PARD6G: variants seen among roughly 807,000 people sequenced by gnomAD.
PARD6G encodes partitioning defective 6 homolog gamma.
A neutral mutation model predicts 10.7 loss-of-function variants in PARD6G; 7 were observed. The observed-to-expected ratio is 0.66, with a 90% CI of 0.37 to 1.23. The LOEUF is 1.23. Ranked by LOEUF, PARD6G falls within the 50% of genes most tolerant of loss-of-function variation. PARD6G has a pLI of 0.02. For synonymous variants in PARD6G, 287 were observed against 269.4 expected (o/e 1.07, Z -0.64); for missense variants, 548 against 571.8 (o/e 0.96, Z 0.42).
At chr18:80,239,470 C>G (rs1967465511) in intron 1 of PARD6G, among the ~76,000 whole-genome samples, 1 of 152,178 alleles carries the variant, frequency 6.6e-6, no homozygotes, top group Non-Finnish European at 1.5e-5. Context: ...AAAAAAAAAT[C>G]TCATAAAGTT....
rs905174062 is a variant in PARD6G at position 80,198,691 on chromosome 18, AT to A, written c.295+4018del. Among the ~76,000 whole-genome samples, 77 of 151,808 alleles carry A rather than the reference AT, an allele frequency of 5.1e-4. 1 individual carries two copies. Among genetic ancestry groups the A allele is most frequent in the Middle Eastern group, 6.8e-3 (2 of 294 alleles). ...TTTCCTATTACCAGGGGAAGAGAGG[AT>A]TTTTTTTTAAAGTTTTGAACAAATA... On this transcript the variant is annotated intron_variant, in intron 2 of 2. Transcript: ENST00000353265.
rs1183093619 is a variant in PARD6G, at chr18:80,175,066, GACTAAAC to G, written c.296-14467_296-14461del. Among the ~76,000 whole-genome samples, 1 of 152,186 alleles carries G rather than the reference GACTAAAC, an allele frequency of 6.6e-6. No individual in the cohort carries two copies. Among genetic ancestry groups the G allele is most frequent in the East Asian group, 1.9e-4 (1 of 5,196 alleles). ...AACAGAGGCCAGGCTGGGATCAGAA[GACTAAAC>G]AGACTGGAGAAAATGGATTAAACAA... is the stretch of plus-strand genomic sequence containing the variant. On this transcript the variant is annotated intron_variant, in intron 2 of 2. Transcript: ENST00000353265. The surrounding 1 kb of genome is among the most constrained non-coding windows in gnomAD (Gnocchi z 6.7).
chr18:80,216,507 C>T (rs2145290839), intron 1 of PARD6G, among the ~76,000 whole-genome samples: 1 of 151,754 alleles, frequency 6.6e-6, no homozygotes, highest in East Asian at 1.9e-4. Flanking sequence ...TTAAACATAC[C>T]CCTAAATAAC....
At chr18:80,160,718 G>A (rs1307136847) in intron 2 of PARD6G, 112 bp from the exon 3 acceptor site, 12 of 1,398,050 alleles carry the variant, frequency 8.6e-6, no homozygotes, top group Admixed American at 6.5e-5. Flanking sequence ...AGCACCCAGG[G>A]TGCACAGGAG....
In PARD6G at chr18:80,246,506, T is replaced by G. The variant is rs1390265560; in HGVS notation, c.72+771A>C. Among the ~76,000 whole-genome samples, 3 of 145,750 alleles carry G rather than the reference T, an allele frequency of 2.1e-5. No homozygotes were observed. Among genetic ancestry groups the G allele is most frequent in the African/African-American group, 7.7e-5 (3 of 38,928 alleles). On this transcript the variant is annotated intron_variant, in intron 1 of 2. Coordinates refer to ENST00000353265, the MANE Select transcript of PARD6G (RefSeq NM_032510.4). This position sits in a 1 kb window ranked among gnomAD's most constrained non-coding sequence, Gnocchi z 6.7. ...CCCGTGGGGGTGGTCTGGGTACGGGTCTGATCCGGGGGCGCGCTCGGGAGG... is the reference window on the plus strand; with the variant it reads ...CCCGTGGGGGTGGTCTGGGTACGGGGCTGATCCGGGGGCGCGCTCGGGAGG...
chr18:80,223,492 C>T (rs1171460133), intron 1 of PARD6G, among the ~76,000 whole-genome samples: 1 of 152,150 alleles, frequency 6.6e-6, no homozygotes, highest in African/African-American at 2.4e-5. Flanking sequence ...AAAAGATACA[C>T]AGATGACCAA....
At chr18:80,207,610 AAC>A (rs1967066135) in intron 1 of PARD6G, among the ~76,000 whole-genome samples, 1 of 152,210 alleles carries the variant, frequency 6.6e-6, no homozygotes, top group Non-Finnish European at 1.5e-5. Flanking sequence ...ATTGTGGTAA[AAC>A]ACACATAAAA....
At position 80,190,505 on chromosome 18, in the gene PARD6G, C is replaced by A. The variant is rs184536603; in HGVS notation, c.295+12205G>T. Among the ~76,000 whole-genome samples, 74 of 152,280 alleles carry A rather than the reference C, an allele frequency of 4.9e-4. 1 individual carries two copies. The East Asian group carries it at 5.6e-3, about 12-fold the overall frequency. Reference sequence around the variant, plus strand: ...AGGCCCATGATTCCACCCATGAGCGCCTGAGCACACAGCTGCTTCTCCACC... The same window carrying A: ...AGGCCCATGATTCCACCCATGAGCGACTGAGCACACAGCTGCTTCTCCACC... On this transcript the variant is annotated intron_variant, in intron 2 of 2. Transcript: ENST00000353265.
At chr18:80,173,761 G>A (rs188923021) in intron 2 of PARD6G, among the ~76,000 whole-genome samples, 8 of 152,226 alleles carry the variant, frequency 5.3e-5, no homozygotes, top group Admixed American at 2.6e-4. Context: ...AAAATAAAGC[G>A]AACCCAGACA....
In PARD6G at chr18:80,159,767, G is replaced by A; in HGVS notation, c.*4C>T. On this transcript the variant is annotated 3_prime_UTR_variant, in exon 3 of 3. Transcript: ENST00000353265. ...GAGCTAGGATTTGGGGGCCTCTCGGGAGTCTAGAGCGTGACCGCGGGCCCG... is the reference window on the plus strand; with the variant it reads ...GAGCTAGGATTTGGGGGCCTCTCGGAAGTCTAGAGCGTGACCGCGGGCCCG... 1.4e-6 allele frequency: 2 copies of A among 1,402,144 alleles called. No individual in the cohort carries two copies. The highest frequency in any genetic ancestry group is 3.0e-5 in the African/African-American group (2 of 65,614). The allele number at this position is 1,402,144 out of a possible 1,614,324, so 86.9% of individuals were successfully genotyped here. A position where few individuals can be genotyped will look rare whatever the true frequency, so the allele number is the denominator to read the frequency against.
At chr18:80,216,199 T>A (rs1967164293) in intron 1 of PARD6G, among the ~76,000 whole-genome samples, 1 of 152,154 alleles carries the variant, frequency 6.6e-6, no homozygotes, top group South Asian at 2.1e-4. Flanking sequence ...AATATCCCAA[T>A]TTTTATAATG....
chr18:80,203,082 A>G, intron 1 of PARD6G, 150 bp from the exon 2 acceptor site: 1 of 591,104 alleles, frequency 1.7e-6, no homozygotes. Flanking sequence ...ACATAAGTTG[A>G]TTTCATCTTT....
chr18:80,198,639 G>A (rs1201500975), intron 2 of PARD6G, among the ~76,000 whole-genome samples: 2 of 152,214 alleles, frequency 1.3e-5, no homozygotes, highest in Non-Finnish European at 2.9e-5. Context: ...CACCAGGCTT[G>A]GAGCCCTCTC....
intron 2 of PARD6G, chr18:80,171,879 T>C (rs1273998149): frequency 6.6e-6 from 1 of 152,238 alleles, no homozygotes; most frequent in Non-Finnish European, 1.5e-5. Flanking sequence ...CGGGCTATTG[T>C]GAATAATGCT....
intron 2 of PARD6G, chr18:80,168,946 C>T (rs1156655339): frequency 5.9e-6 from 1 of 169,040 alleles, no homozygotes; most frequent in Non-Finnish European, 1.5e-5. Context: ...AAGGGCTTGA[C>T]CTGATTTATT....
In PARD6G at chr18:80,158,991, ATT is replaced by A. The variant is rs145797175; in HGVS notation, c.*778_*779del. 4.6e-4 allele frequency: 67 copies of A among 146,986 alleles called. No homozygotes were observed. Among genetic ancestry groups the A allele is most frequent in the South Asian group, 8.7e-4 (4 of 4,586 alleles). 9.1% of individuals were successfully genotyped at this position (146,986 alleles called of 1,614,324 possible). A position where few individuals can be genotyped will look rare whatever the true frequency, so the allele number is the denominator to read the frequency against. On this transcript the variant is annotated 3_prime_UTR_variant, in exon 3 of 3. Transcript: ENST00000353265. ...GTTGTACATGGACAGGTTTGGGTGT[ATT>A]TTTTTTTTTTCCCGAGACAGAGTCT...
rs2145270360 is a variant in PARD6G at position 80,189,434 on chromosome 18, A to C, written c.295+13276T>G. 6.6e-6 allele frequency: 1 copy of C among 152,306 alleles called. No individual in the cohort carries two copies. Among genetic ancestry groups the C allele is most frequent in the Non-Finnish European group, 1.5e-5 (1 of 68,034 alleles). 9.4% of individuals were successfully genotyped at this position (152,306 alleles called of 1,614,324 possible). A position where few individuals can be genotyped will look rare whatever the true frequency, so the allele number is the denominator to read the frequency against. On this transcript the variant is annotated intron_variant, in intron 2 of 2. Transcript: ENST00000353265. The surrounding 1 kb of genome is among the most constrained non-coding windows in gnomAD (Gnocchi z 5.5). ...ATGATAAGCTGAGTCCAACACAAAC[A>C]CAACAGTAAGCCTTTCTAGCAGAGG...
At chr18:80,220,362 C>A (rs1037597251) in intron 1 of PARD6G, among the ~76,000 whole-genome samples, 3 of 152,164 alleles carry the variant, frequency 2.0e-5, no homozygotes, top group Non-Finnish European at 2.9e-5. Context: ...GGTGGGGACA[C>A]AGCCAAACCA....
chr18:80,220,437 A>C (rs1451907550), intron 1 of PARD6G, among the ~76,000 whole-genome samples: 1 of 152,184 alleles, frequency 6.6e-6, no homozygotes, highest in African/African-American at 2.4e-5. Flanking sequence ...TCATTAAGTT[A>C]AAAGGGACAT....
Sources: gnomAD v4.1 joint callset for allele counts (sites outside exome capture counted in the v4.1 genomes callset) on GRCh38, gnomAD v4.1.1 for gene constraint, Gnocchi (gnomAD v3.1) non-coding constraint, MANE v1.5 for transcripts, NCBI Gene and HGNC (gene_info 2026-07-23, HGNC 2026-07-21) for gene names.